SPOCK3: variants seen among roughly 807,000 people sequenced by gnomAD.
SPOCK3 encodes the protein SPARC (osteonectin), cwcv and kazal like domains proteoglycan 3.
A neutral mutation model predicts 56.6 loss-of-function variants in SPOCK3; 30 were observed. The observed-to-expected ratio is 0.53, with a 90% CI of 0.40 to 0.72. The LOEUF is 0.72. Ranked by LOEUF, SPOCK3 falls within the 30% of genes least tolerant of loss-of-function variation. The pLI is 0.00. For missense variants in SPOCK3, 527 were observed against 530.0 expected, an observed-to-expected ratio of 0.99 and a Z score of 0.06; for synonymous variants, 196 against 183.3, an observed-to-expected ratio of 1.07 and a Z score of -0.56.
chr4:167,145,266 G>A (rs1447797190), intron 2 of SPOCK3, among the ~76,000 whole-genome samples: 1 of 152,050 alleles, frequency 6.6e-6, no homozygotes. Context: ...AGAAGTAGCT[G>A]GGCAGGCAGG....
intron 2 of SPOCK3, among the ~76,000 whole-genome samples, chr4:167,147,831 G>GAT (rs1398065149): frequency 6.6e-6 from 1 of 152,050 alleles, no homozygotes; most frequent in East Asian, 1.9e-4. Flanking sequence ...CTGGGGAAGG[G>GAT]ATAACATTAG....
chr4:166,752,268 C>A (rs1736475539), intron 8 of SPOCK3, among the ~76,000 whole-genome samples: 1 of 152,070 alleles, frequency 6.6e-6, no homozygotes, highest in African/African-American at 2.4e-5. Flanking sequence ...AGCAATCCAC[C>A]CTCCTTGGCC....
intron 6 of SPOCK3, among the ~76,000 whole-genome samples, chr4:166,866,875 G>T (rs1731903007): frequency 6.6e-6 from 1 of 151,962 alleles, no homozygotes. Context: ...GCATGTCCGT[G>T]TTATTTCTAG....
intron 2 of SPOCK3, among the ~76,000 whole-genome samples, chr4:167,102,099 G>C (rs1339295598): frequency 6.6e-6 from 1 of 151,622 alleles, no homozygotes; most frequent in Non-Finnish European, 1.5e-5. Context: ...CACTTTATTT[G>C]TGTACCTAAG....
chr4:167,025,140 T>A (rs368534958), intron 3 of SPOCK3, among the ~76,000 whole-genome samples: 2 of 151,870 alleles, frequency 1.3e-5, no homozygotes, highest in South Asian at 4.1e-4. Flanking sequence ...CTGGTCAAAC[T>A]GGTTCTATCA....
Position 167,026,207 on chromosome 4 carries a change from G to A in SPOCK3, c.236-25744C>T, listed in dbSNP as rs192577198. On this transcript the variant is annotated intron_variant, in intron 3 of 10. Coordinates refer to ENST00000357545, the MANE Select transcript of SPOCK3 (RefSeq NM_001040159.2). ...TACATGCCATGCAGAGCCCTGTGTC[G>A]GGTTAACTGGCCACATACTGTAGAA... is the stretch of plus-strand genomic sequence containing the variant. Among the ~76,000 whole-genome samples, 54 of 152,048 alleles carry A rather than the reference G, an allele frequency of 3.6e-4. 1 individual carries two copies. In the East Asian group the frequency reaches 7.8e-3, roughly 22 times the overall value.
At chr4:166,840,435 C>T (rs2126825727) in intron 6 of SPOCK3, among the ~76,000 whole-genome samples, 1 of 152,332 alleles carries the variant, frequency 6.6e-6, no homozygotes, top group South Asian at 2.1e-4. Flanking sequence ...CCTAGCTTTA[C>T]CTGTCCTTGC....
chr4:166,888,814 AG>A (rs1734464899), intron 6 of SPOCK3, among the ~76,000 whole-genome samples: 1 of 150,344 alleles, frequency 6.7e-6, no homozygotes. Flanking sequence ...CTGCTCTAAA[AG>A]AAAAAAATGA....
intron 2 of SPOCK3, among the ~76,000 whole-genome samples, chr4:167,200,521 G>A (rs901695919): frequency 3.3e-5 from 5 of 151,606 alleles, no homozygotes; most frequent in Non-Finnish European, 4.4e-5. Flanking sequence ...CAATTTTTTC[G>A]TACATTTCAA....
chr4:167,159,515 A>C (rs537075118), intron 2 of SPOCK3, among the ~76,000 whole-genome samples: 1 of 152,158 alleles, frequency 6.6e-6, no homozygotes, highest in Non-Finnish European at 1.5e-5. Flanking sequence ...ATAGAAAAAG[A>C]AGGAATCCTC....
chr4:166,737,550 T>C lies in SPOCK3; in HGVS notation c.1049A>G (p.His350Arg), dbSNP rs1323387250. The C allele has an allele frequency of 1.2e-6, 2 of 1,613,054 alleles. No individual in the cohort carries two copies. The highest frequency in any genetic ancestry group is 1.7e-6 in the Non-Finnish European group (2 of 1,179,368). ...ACACCAGCACTGTCCAACACTGCCATGACATTGTGTTGGCTTGTAGTAACC... is the reference window on the plus strand; with the variant it reads ...ACACCAGCACTGTCCAACACTGCCACGACATTGTGTTGGCTTGTAGTAACC... ...EDGYYKPTQC[H>R]GSVGQCWCVD... Residue 350 changes from histidine (H) to arginine (R), a missense_variant, in exon 10 of 11, where the codon CAT becomes CGT. His to Arg is a conservative substitution (Grantham distance 29, BLOSUM62 0). Transcript: ENST00000357545.
chr4:167,073,449 T>C (rs961254739), intron 2 of SPOCK3, among the ~76,000 whole-genome samples: 15 of 151,826 alleles, frequency 9.9e-5, no homozygotes, highest in African/African-American at 3.6e-4. Context: ...AAATGGTGCA[T>C]TCATTGTTTC....
chr4:167,152,201 A>G (rs1449529338), intron 2 of SPOCK3, among the ~76,000 whole-genome samples: 1 of 152,218 alleles, frequency 6.6e-6, no homozygotes, highest in Non-Finnish European at 1.5e-5. Flanking sequence ...GAACATCCAT[A>G]CATAATTTTA....
chr4:166,907,364 C>T lies in SPOCK3; in HGVS notation c.474+5256G>A, dbSNP rs180929862. Among the ~76,000 whole-genome samples, 56 of 152,104 alleles carry T rather than the reference C, an allele frequency of 3.7e-4. 1 individual carries two copies. The highest frequency in any genetic ancestry group is 7.2e-4 in the Admixed American group (11 of 15,222). The stretch of plus-strand genomic sequence containing the variant: ...AATGTACCCTGTGTTCTCTTAGAAG[C>T]CTCTATTCAAAGGCACCAGTCATTG... On this transcript the variant is annotated intron_variant, in intron 5 of 10. Transcript: ENST00000357545.
intron 2 of SPOCK3, among the ~76,000 whole-genome samples, chr4:167,176,071 G>C (rs1051799671): frequency 1.3e-5 from 2 of 151,946 alleles, no homozygotes; most frequent in African/African-American, 4.8e-5. Context: ...AGTTTCTAGA[G>C]GTTGTCTGCA....
intron 8 of SPOCK3, among the ~76,000 whole-genome samples, chr4:166,751,396 T>C (rs1736359101): frequency 6.6e-6 from 1 of 152,174 alleles, no homozygotes; most frequent in African/African-American, 2.4e-5. Flanking sequence ...ATGTTATTCG[T>C]ACTGAATAAG....
intron 6 of SPOCK3, among the ~76,000 whole-genome samples, chr4:166,817,308 CTT>C (rs1041509048): frequency 6.6e-6 from 1 of 152,062 alleles, no homozygotes; most frequent in Non-Finnish European, 1.5e-5. Context: ...AACATTACCT[CTT>C]ATGTTCCAGG....
At chr4:166,961,347 G>T (rs1651572633) in intron 4 of SPOCK3, among the ~76,000 whole-genome samples, 1 of 151,960 alleles carries the variant, frequency 6.6e-6, no homozygotes, top group African/African-American at 2.4e-5. Context: ...TCTAACAGAG[G>T]ATATGCAGAA....
chr4:166,858,310 T>C (rs1335498984), intron 6 of SPOCK3, among the ~76,000 whole-genome samples: 1 of 152,224 alleles, frequency 6.6e-6, no homozygotes, highest in Non-Finnish European at 1.5e-5. Flanking sequence ...ATAGGGTTCT[T>C]TGCTCTGTCT....
Sources: allele counts gnomAD v4.1 joint callset (sites outside exome capture counted in the v4.1 genomes callset), GRCh38; gene constraint gnomAD v4.1.1; transcripts MANE v1.5; gene names NCBI Gene and HGNC (gene_info 2026-07-23, HGNC 2026-07-21).